Variants in FMR1NB observed in about 807,000 individuals in gnomAD.
FMR1NB encodes the protein FMR1 neighbor.
In FMR1NB, 10 loss-of-function variants were observed where a neutral mutation model predicts 16.8. The observed-to-expected ratio is 0.60, with a 90% CI of 0.37 to 1.01. FMR1NB has a LOEUF of 1.01. Among genes scored for constraint, FMR1NB ranks in the 50% least tolerant of loss-of-function variants. The pLI, the probability that FMR1NB is intolerant of heterozygous loss-of-function variation, is 0.01. For synonymous variants in FMR1NB, 83 were observed against 79.1 expected, an observed-to-expected ratio of 1.05 and a Z score of -0.26; for missense variants, 205 against 204.8, an observed-to-expected ratio of 1.00 and a Z score of 0.00.
intron 1 of FMR1NB, among the ~76,000 whole-genome samples, chrX:147,982,128 A>G (rs1189784408): frequency 9.0e-6 from 1 of 111,025 alleles, no homozygotes; most frequent in African/African-American, 3.3e-5. Context: ...CATCCCTACT[A>G]AAAATACAAA....
chrX:147,998,977 C>T (rs986450740), intron 1 of FMR1NB, among the ~76,000 whole-genome samples: 3 of 111,657 alleles, frequency 2.7e-5, no homozygotes, highest in African/African-American at 3.3e-5. Flanking sequence ...TTGTAATGAC[C>T]GAAAGATCTA....
intron 1 of FMR1NB, among the ~76,000 whole-genome samples, chrX:147,992,154 G>T (rs782590826): frequency 9.3e-6 from 1 of 107,701 alleles, no homozygotes; most frequent in Admixed American, 9.8e-5. Flanking sequence ...ATCCCGTCCC[G>T]TTCTCAATGA....
rs1411278364 is a variant in FMR1NB, at chrX:148,001,354, C to T, written c.278-1847C>T. Among the ~76,000 whole-genome samples the T allele has an allele frequency of 3.6e-5, 4 of 111,728 alleles. No individual in the cohort carries two copies. The South Asian group carries it at 1.5e-3, about 42-fold the overall frequency. ...TTTGAATGAATGATAAATAAGTGAA[C>T]ATAATTACCATAAAATTTAGAATTT... On this transcript the variant is annotated intron_variant, in intron 1 of 5. Transcript: ENST00000370467.
chrX:148,013,146 A>G (rs782336690), intron 4 of FMR1NB, among the ~76,000 whole-genome samples: 1 of 111,755 alleles, frequency 8.9e-6, no homozygotes, highest in Non-Finnish European at 1.9e-5. Context: ...TAATTTAATT[A>G]CTGAAATAAT....
At chrX:147,983,480 A>G (rs1385246027) in intron 1 of FMR1NB, among the ~76,000 whole-genome samples, 3 of 112,378 alleles carry the variant, frequency 2.7e-5, no homozygotes, top group African/African-American at 9.7e-5. Context: ...TATTTTCCTA[A>G]TGCCTAATGA....
chrX:148,003,284 G>A lies in FMR1NB; in HGVS notation c.361G>A (p.Ala121Thr), dbSNP rs1269150925. ...AHGQSLEEDSALEALLNFFFP... is the reference protein window; with the variant it reads ...AHGQSLEEDSTLEALLNFFFP... ...TGGCCAATCTCTGGAAGAAGATTCCGCATTGGAAGCTTTGCTGAATTTTTT... is the reference window on the plus strand; with the variant it reads ...TGGCCAATCTCTGGAAGAAGATTCCACATTGGAAGCTTTGCTGAATTTTTT... The change falls in exon 2 of 6, where the codon GCA becomes ACA. Residue 121 changes from alanine to threonine, a missense_variant. Physicochemically the swap from Ala to Thr is moderately conservative, Grantham distance 58. Transcript: ENST00000370467. 3.3e-6 allele frequency: 4 copies of A among 1,210,418 alleles called. No individual in the cohort carries two copies. The highest frequency in any genetic ancestry group is 1.8e-5 in the South Asian group (1 of 56,837).
intron 1 of FMR1NB, among the ~76,000 whole-genome samples, chrX:147,995,832 C>T (rs1373073574): frequency 8.9e-6 from 1 of 112,438 alleles, no homozygotes. Context: ...CTAGCTTTTG[C>T]TTTAACCCTG....
intron 5 of FMR1NB, 127 bp downstream of exon 5, chrX:148,025,140 G>A (rs986758708): frequency 5.6e-6 from 4 of 713,847 alleles, no homozygotes; most frequent in South Asian, 6.3e-5. Flanking sequence ...GATCACAGGA[G>A]GGCCAGCTTC....
At chrX:148,006,394 T>G (rs2044596378) in intron 2 of FMR1NB, among the ~76,000 whole-genome samples, 1 of 112,065 alleles carries the variant, frequency 8.9e-6, no homozygotes, top group Non-Finnish European at 1.9e-5. Flanking sequence ...TTGTTGTTAT[T>G]TAGTTCCTTC....
chrX:148,008,569 C>T (rs782577991), intron 3 of FMR1NB, 49 bp from the exon 4 acceptor site: 1 of 1,125,039 alleles, frequency 8.9e-7, no homozygotes, highest in South Asian at 2.0e-5. Flanking sequence ...CTTGGATTTA[C>T]TTCTCTTGCT....
At chrX:147,992,015 TC>T (rs1159890185) in intron 1 of FMR1NB, among the ~76,000 whole-genome samples, 2 of 112,087 alleles carry the variant, frequency 1.8e-5, no homozygotes, top group African/African-American at 6.5e-5. Flanking sequence ...CAGAGGAATT[TC>T]TCCCAGTGCA....
chrX:147,986,132 T>C (rs1557187071), intron 1 of FMR1NB, among the ~76,000 whole-genome samples: 1 of 112,179 alleles, frequency 8.9e-6, no homozygotes. Flanking sequence ...CAGAAGTGTC[T>C]GTTCCTATCC....
At chrX:148,000,967 C>T (rs929544302) in intron 1 of FMR1NB, among the ~76,000 whole-genome samples, 7 of 111,706 alleles carry the variant, frequency 6.3e-5, no homozygotes, top group Admixed American at 5.7e-4. Flanking sequence ...TATTGTCTAT[C>T]TGGAATGAAA....
At chrX:147,997,503 C>T (rs1369003080) in intron 1 of FMR1NB, among the ~76,000 whole-genome samples, 3 of 112,179 alleles carry the variant, frequency 2.7e-5, no homozygotes, top group African/African-American at 9.7e-5. Flanking sequence ...ACCATAAAAA[C>T]CCTAGAAGAA....
intron 1 of FMR1NB, among the ~76,000 whole-genome samples, chrX:147,994,299 T>C (rs2044530727): frequency 8.9e-6 from 1 of 112,332 alleles, no homozygotes; most frequent in Non-Finnish European, 1.9e-5. Flanking sequence ...TTCTATACAC[T>C]ATGTCACAAC....
At chrX:147,982,883 G>A (rs2044458141) in intron 1 of FMR1NB, among the ~76,000 whole-genome samples, 1 of 111,822 alleles carries the variant, frequency 8.9e-6, no homozygotes, top group South Asian at 3.7e-4. Context: ...GACAGAGCGA[G>A]GCTCCATCTC....
chrX:148,024,714 A>G, intron 4 of FMR1NB, 151 bp from the exon 5 acceptor site: 1 of 670,824 alleles, frequency 1.5e-6, no homozygotes, highest in East Asian at 3.3e-5. Context: ...AAGTGGAATA[A>G]TTTCTATCGG....
chrX:148,006,896 C>T lies in FMR1NB; in HGVS notation c.538+54C>T, dbSNP rs782315294. ...ATTTTTTAATATTAAATAAACAGAT[C>T]GCAGTGGCATAAGTTCATATTTGGA... On this transcript the variant is annotated intron_variant, in intron 3 of 5. Transcript: ENST00000370467. 109 of 1,104,353 alleles carry T rather than the reference C, an allele frequency of 9.9e-5. No homozygotes were observed. The African/African-American group carries it at 1.7e-3, about 17-fold the overall frequency. The allele number at this position is 1,104,353 out of a possible 1,213,427, so 91.0% of individuals were successfully genotyped here.
intron 1 of FMR1NB, among the ~76,000 whole-genome samples, chrX:147,985,583 C>A (rs1378262726): frequency 9.0e-6 from 1 of 111,112 alleles, no homozygotes; most frequent in Non-Finnish European, 1.9e-5. Context: ...GTTTTCTGTC[C>A]CTGTGTTAGT....
Sources: allele counts gnomAD v4.1 joint callset (sites outside exome capture counted in the v4.1 genomes callset), GRCh38; gene constraint gnomAD v4.1.1; transcripts MANE v1.5; gene names NCBI Gene and HGNC (gene_info 2026-07-23, HGNC 2026-07-21).